Variants in MFAP3L observed in about 807,000 individuals in gnomAD.
MFAP3L encodes the protein microfibril associated protein 3 like, also known as microfibrillar-associated protein 3-like.
Under a neutral mutation model 20.0 loss-of-function variants are expected in MFAP3L, and 5 were observed. That is an observed-to-expected ratio of 0.25 (90% CI 0.13 to 0.53). The LOEUF (loss-of-function observed/expected upper bound fraction) is 0.53. MFAP3L is among the 20% of genes least tolerant of loss of function. MFAP3L has a pLI of 0.96. For synonymous variants in MFAP3L, 219 were observed against 213.0 expected (o/e 1.03, Z -0.25); for missense variants, 409 against 527.5 (o/e 0.78, Z 2.20).
chr4:170,002,933 A>G (rs9884218), intron 2 of MFAP3L, among the ~76,000 whole-genome samples: 21,145 of 151,992 alleles, frequency 0.14, 3,813 homozygotes, highest in African/African-American at 0.41. Flanking sequence ...CTATGTCCAT[A>G]TTATAATATG....
At chr4:169,994,528 T>C (rs187995038) in intron 2 of MFAP3L, 1 of 974,796 alleles carries the variant, frequency 1.0e-6, no homozygotes, top group Admixed American at 6.1e-5. Flanking sequence ...CTCTATTGAA[T>C]ATTTAAAAAT....
chr4:170,000,068 G>A (rs1226411086), intron 2 of MFAP3L, among the ~76,000 whole-genome samples: 4 of 152,154 alleles, frequency 2.6e-5, no homozygotes, highest in Non-Finnish European at 5.9e-5. Flanking sequence ...GTTCCCAGCT[G>A]AGAACCACGG....
Position 169,992,949 on chromosome 4 carries a change from C to A in MFAP3L, c.299-640G>T, listed in dbSNP as rs1737839419. On this transcript the variant is annotated intron_variant, in intron 2 of 2. Transcript: ENST00000361618. This position sits in a 1 kb window ranked among gnomAD's most constrained non-coding sequence, Gnocchi z 4.3. ...TATACTATTTAAAGTTACAAGCTAACAATGTGAGTATTCAGAGGCTGGATA... is the reference window on the plus strand; with the variant it reads ...TATACTATTTAAAGTTACAAGCTAAAAATGTGAGTATTCAGAGGCTGGATA... Among the ~76,000 whole-genome samples the A allele has an allele frequency of 6.6e-6, 1 of 152,274 alleles. No individual in the cohort carries two copies. Among genetic ancestry groups the A allele is most frequent in the South Asian group, 2.1e-4 (1 of 4,820 alleles).
At position 169,987,120 on chromosome 4, in the gene MFAP3L, AAATAT is replaced by A. The variant is rs1211096402; in HGVS notation, c.*4253_*4257del. On this transcript the variant is annotated 3_prime_UTR_variant, in exon 3 of 3. Transcript: ENST00000361618. ...AAAGATAAATGCTCAGTCCTTTGGA[AAATAT>A]AATAAGCAATTGTTTTATTTGATTT... 3.3e-5 allele frequency: 5 copies of A among 152,184 alleles called. No homozygotes were observed. The highest frequency in any genetic ancestry group is 4.8e-5 in the African/African-American group (2 of 41,466). The allele number at this position is 152,184 out of a possible 1,614,324, so 9.4% of individuals were successfully genotyped here.
At chr4:169,997,815 T>C in intron 2 of MFAP3L, 10 of 982,982 alleles carry the variant, frequency 1.0e-5, no homozygotes, top group Non-Finnish European at 1.2e-5. Context: ...TTTTTTTTTT[T>C]TTTAATATTG....
intron 1 of MFAP3L, among the ~76,000 whole-genome samples, chr4:170,014,878 G>A (rs1039832129): frequency 2.0e-5 from 3 of 152,134 alleles, no homozygotes; most frequent in African/African-American, 7.2e-5. Flanking sequence ...ATTTTGTGGT[G>A]GGACAGCTCA....
chr4:170,009,010 G>C (rs913992565), intron 1 of MFAP3L, among the ~76,000 whole-genome samples: 1 of 152,154 alleles, frequency 6.6e-6, no homozygotes, highest in South Asian at 2.1e-4. Context: ...AAGATATCAC[G>C]TGACTCTGGA....
At chr4:170,002,850 A>AC (rs1016255493) in intron 2 of MFAP3L, among the ~76,000 whole-genome samples, 1 of 151,868 alleles carries the variant, frequency 6.6e-6, no homozygotes, top group African/African-American at 2.4e-5. Context: ...TATTTAAAAA[A>AC]AAAAACAAAA....
intron 1 of MFAP3L, among the ~76,000 whole-genome samples, chr4:170,015,547 T>G (rs1308045246): frequency 6.6e-6 from 1 of 152,144 alleles, no homozygotes; most frequent in Admixed American, 6.5e-5. Flanking sequence ...GCAAGACAAC[T>G]TCTTGTGTGT....
chr4:170,025,878 C>T (rs1202776752), intron 1 of MFAP3L, among the ~76,000 whole-genome samples: 1 of 152,166 alleles, frequency 6.6e-6, no homozygotes, highest in Non-Finnish European at 1.5e-5. Flanking sequence ...CAGAGCCCAG[C>T]GAAAGCCCCC....
chr4:170,015,338 G>A (rs1345233235), intron 1 of MFAP3L, among the ~76,000 whole-genome samples: 1 of 152,148 alleles, frequency 6.6e-6, no homozygotes, highest in East Asian at 1.9e-4. Flanking sequence ...GTAAGACTGG[G>A]GTTGGAAAAG....
chr4:170,001,883 A>T (rs1042415967), intron 2 of MFAP3L: 183 of 974,768 alleles, frequency 1.9e-4, no homozygotes, highest in East Asian at 1.7e-3. Context: ...AAAGCAAACC[A>T]GCTGCTGCTC....
chr4:169,994,623 C>T (rs1738000228), intron 2 of MFAP3L: 1 of 856,120 alleles, frequency 1.2e-6, no homozygotes, highest in South Asian at 5.4e-5. Flanking sequence ...CCAAGCAGTT[C>T]AATTTAGACA....
chr4:170,004,537 A>G (rs1487223816), intron 2 of MFAP3L, among the ~76,000 whole-genome samples: 1 of 152,208 alleles, frequency 6.6e-6, no homozygotes, highest in Non-Finnish European at 1.5e-5. Context: ...AGCCTCAACC[A>G]TTCGGAACAC....
At chr4:170,019,039 G>A (rs577253668) in intron 1 of MFAP3L, among the ~76,000 whole-genome samples, 4 of 152,320 alleles carry the variant, frequency 2.6e-5, no homozygotes, top group Non-Finnish European at 5.9e-5. Flanking sequence ...GAGGTGCTGG[G>A]AGCCAAACAC....
At chr4:170,021,731 A>G (rs975728851) in intron 1 of MFAP3L, among the ~76,000 whole-genome samples, 3 of 152,238 alleles carry the variant, frequency 2.0e-5, no homozygotes, top group Non-Finnish European at 4.4e-5. Flanking sequence ...TTTGCAAGGT[A>G]GATATTGAGG....
chr4:170,016,097 T>C (rs1053632119), intron 1 of MFAP3L, among the ~76,000 whole-genome samples: 1 of 152,234 alleles, frequency 6.6e-6, no homozygotes, highest in Non-Finnish European at 1.5e-5. Context: ...GCACCATGCA[T>C]TCATTACTTT....
intron 1 of MFAP3L, among the ~76,000 whole-genome samples, chr4:170,024,696 C>T (rs1740242764): frequency 6.6e-6 from 1 of 152,106 alleles, no homozygotes; most frequent in Non-Finnish European, 1.5e-5. Flanking sequence ...CATGTTGTTG[C>T]TACTGCTGTT....
chr4:170,010,649 C>A (rs1023239020), intron 1 of MFAP3L, among the ~76,000 whole-genome samples: 1 of 152,180 alleles, frequency 6.6e-6, no homozygotes, highest in Non-Finnish European at 1.5e-5. Flanking sequence ...TTTTCTCTAG[C>A]TTACTTTATT....
Sources: allele counts gnomAD v4.1 joint callset (sites outside exome capture counted in the v4.1 genomes callset), GRCh38; gene constraint gnomAD v4.1.1; non-coding constraint Gnocchi (gnomAD v3.1); transcripts MANE v1.5; gene names NCBI Gene and HGNC (gene_info 2026-07-23, HGNC 2026-07-21).